PTPRD: variants seen among roughly 807,000 people sequenced by gnomAD.
PTPRD encodes the protein receptor-type tyrosine-protein phosphatase delta.
A neutral mutation model predicts 214.5 loss-of-function variants in PTPRD; 34 were observed. The observed-to-expected ratio is 0.16, with a 90% CI of 0.12 to 0.21. PTPRD has a LOEUF of 0.21. Among genes scored for constraint, PTPRD ranks in the 10% least tolerant of loss-of-function variants. The probability of loss-of-function intolerance (pLI) is 1.00; values close to 1 mark genes in which losing one functional copy is unlikely to be tolerated. For missense variants in PTPRD, 2,545 were observed against 2,398.7 expected, an observed-to-expected ratio of 1.06 and a Z score of -1.27; for synonymous variants, 1,128 against 845.7, an observed-to-expected ratio of 1.33 and a Z score of -5.79.
intron 8 of PTPRD, among the ~76,000 whole-genome samples, chr9:9,572,843 A>G (rs1438354747): frequency 6.6e-6 from 1 of 151,466 alleles, no homozygotes; most frequent in Non-Finnish European, 1.5e-5. Flanking sequence ...TTCCAATTAT[A>G]ATACCCCTAT....
At chr9:8,322,515 C>A (rs1829408745) in intron 44 of PTPRD, among the ~76,000 whole-genome samples, 1 of 152,100 alleles carries the variant, frequency 6.6e-6, no homozygotes, top group Non-Finnish European at 1.5e-5. Context: ...AAAGCCTAGG[C>A]CAGAGCAAGG....
intron 3 of PTPRD, among the ~76,000 whole-genome samples, chr9:10,156,123 T>TGC (rs1554755859): frequency 2.4e-4 from 32 of 134,404 alleles, no homozygotes; most frequent in Admixed American, 2.0e-3. Flanking sequence ...TGTGTGTGTG[T>TGC]GCCTGTCTCC....
chr9:8,987,573 T>C (rs1035573385), intron 11 of PTPRD, among the ~76,000 whole-genome samples: 1 of 152,084 alleles, frequency 6.6e-6, no homozygotes, highest in African/African-American at 2.4e-5. Context: ...ATGTGCCAGG[T>C]GAAATATTAA....
At chr9:8,819,814 A>G (rs546929301) in intron 11 of PTPRD, among the ~76,000 whole-genome samples, 1 of 152,276 alleles carries the variant, frequency 6.6e-6, no homozygotes, top group South Asian at 2.1e-4. Flanking sequence ...TTAACCAGAT[A>G]ATTCCTTCAA....
intron 5 of PTPRD, among the ~76,000 whole-genome samples, chr9:9,833,344 T>C (rs986437163): frequency 6.6e-6 from 1 of 151,718 alleles, no homozygotes; most frequent in Admixed American, 6.6e-5. Context: ...ACCAGCAAGT[T>C]TTTATTAGGG....
chr9:9,828,147 T>G (rs1598954331), intron 5 of PTPRD, among the ~76,000 whole-genome samples: 1 of 152,114 alleles, frequency 6.6e-6, no homozygotes, highest in East Asian at 1.9e-4. Context: ...AGCCATCCCA[T>G]TACTGAGTAT....
At chr9:10,473,121 G>A (rs1036412469) in intron 2 of PTPRD, among the ~76,000 whole-genome samples, 25 of 151,930 alleles carry the variant, frequency 1.6e-4, no homozygotes, top group African/African-American at 5.3e-4. Context: ...AAAATTGGCC[G>A]ACATAGAAAT....
rs560750306 is a variant in PTPRD at position 10,408,319 on chromosome 9, C to A, written c.-599-67302G>T. Reference sequence around the variant, plus strand: ...TCTCTATTATTTCCTTAGAATAATACTATGTGAAATTTGGAGTTAGCCTGC... The same window carrying A: ...TCTCTATTATTTCCTTAGAATAATAATATGTGAAATTTGGAGTTAGCCTGC... On this transcript the variant is annotated intron_variant, in intron 2 of 45. Transcript: ENST00000381196. Among the ~76,000 whole-genome samples, 15 of 151,666 alleles carry A rather than the reference C, an allele frequency of 9.9e-5. No individual in the cohort carries two copies. The South Asian group carries it at 2.7e-3, about 27-fold the overall frequency.
rs1169483888 is a variant in PTPRD at position 9,461,683 on chromosome 9, T to C, written c.-236-64201A>G. On this transcript the variant is annotated intron_variant, in intron 8 of 45. Coordinates refer to ENST00000381196, the MANE Select transcript of PTPRD (RefSeq NM_002839.4). The stretch of plus-strand genomic sequence containing the variant: ...GTAAGTCTGCATTATTCCTAGAGAA[T>C]TGTACAGCCTCACAAAAATTGTTCA... Among the ~76,000 whole-genome samples, 3 of 152,126 alleles carry C rather than the reference T, an allele frequency of 2.0e-5. No homozygotes were observed. The East Asian group carries it at 5.8e-4, about 29-fold the overall frequency.
At chr9:9,004,398 T>C (rs1159637996) in intron 11 of PTPRD, among the ~76,000 whole-genome samples, 2 of 152,040 alleles carry the variant, frequency 1.3e-5, no homozygotes, top group East Asian at 1.9e-4. Flanking sequence ...TTTGGAACTA[T>C]ATAATCATGT....
At chr9:9,013,806 G>A (rs2099521905) in intron 11 of PTPRD, among the ~76,000 whole-genome samples, 1 of 152,066 alleles carries the variant, frequency 6.6e-6, no homozygotes, top group Non-Finnish European at 1.5e-5. Flanking sequence ...TGTCAACATT[G>A]GTTTAATCCT....
intron 4 of PTPRD, among the ~76,000 whole-genome samples, chr9:9,992,855 C>T (rs764651156): frequency 1.8e-4 from 28 of 151,886 alleles, no homozygotes; most frequent in Non-Finnish European, 2.5e-4. Context: ...ATGTAAATGA[C>T]GAGTTAACGG....
chr9:10,345,525 C>A (rs1225803442), intron 2 of PTPRD, among the ~76,000 whole-genome samples: 2 of 146,414 alleles, frequency 1.4e-5, no homozygotes, highest in Non-Finnish European at 3.0e-5. Flanking sequence ...GTTTGGTTTT[C>A]TGTTCTTATG....
At chr9:8,407,672 A>G (rs999735481) in intron 35 of PTPRD, among the ~76,000 whole-genome samples, 5 of 152,206 alleles carry the variant, frequency 3.3e-5, no homozygotes, top group African/African-American at 1.2e-4. Context: ...ATTACATAAG[A>G]AATCAAGTTT....
At chr9:10,424,587 T>G (rs2098594946) in intron 2 of PTPRD, among the ~76,000 whole-genome samples, 1 of 151,994 alleles carries the variant, frequency 6.6e-6, no homozygotes, top group South Asian at 2.1e-4. Flanking sequence ...CCCACCTGTC[T>G]TACGAAGGGC....
At chr9:9,351,274 G>C (rs182578503) in intron 9 of PTPRD, among the ~76,000 whole-genome samples, 17 of 152,148 alleles carry the variant, frequency 1.1e-4, no homozygotes, top group Admixed American at 5.9e-4. Flanking sequence ...AACATAAAAA[G>C]AGGAAACAAA....
At chr9:10,502,685 C>T (rs559932362) in intron 2 of PTPRD, among the ~76,000 whole-genome samples, 6 of 152,054 alleles carry the variant, frequency 3.9e-5, no homozygotes, top group Admixed American at 3.3e-4. Context: ...TACACAGATA[C>T]AAAAACTGTA....
At chr9:9,594,569 A>T (rs1039882289) in intron 7 of PTPRD, among the ~76,000 whole-genome samples, 1 of 152,098 alleles carries the variant, frequency 6.6e-6, no homozygotes, top group African/African-American at 2.4e-5. Context: ...TTTGTCAAAG[A>T]TCAGTTGGCT....
chr9:9,930,624 T>C (rs747378075), intron 5 of PTPRD, among the ~76,000 whole-genome samples: 1 of 152,174 alleles, frequency 6.6e-6, no homozygotes, highest in Non-Finnish European at 1.5e-5. Flanking sequence ...TTATTAAAAA[T>C]GCAGTATTTT....
Sources: gnomAD v4.1 joint callset for allele counts (sites outside exome capture counted in the v4.1 genomes callset) on GRCh38, gnomAD v4.1.1 for gene constraint, MANE v1.5 for transcripts, NCBI Gene and HGNC (gene_info 2026-07-23, HGNC 2026-07-21) for gene names.